CCNA1: variants seen among roughly 807,000 people sequenced by gnomAD.
CCNA1 encodes the protein cyclin A1.
CCNA1 carries 23 observed loss-of-function variants against 54.1 expected under a neutral mutation model. That is an observed-to-expected ratio of 0.42 (90% CI 0.31 to 0.60). The LOEUF is 0.60. Among genes scored for constraint, CCNA1 ranks in the 20% least tolerant of loss-of-function variants. The pLI is 0.14. For synonymous variants in CCNA1, 208 were observed against 213.9 expected (o/e 0.97, Z 0.24); for missense variants, 450 against 556.7 (o/e 0.81, Z 1.93).
At chr13:36,437,602 C>T (rs2055820977) in intron 2 of CCNA1, 27 bp from the exon 3 acceptor site, 1 of 1,610,080 alleles carries the variant, frequency 6.2e-7, no homozygotes, top group Non-Finnish European at 8.5e-7. Context: ...GACGTGGCCT[C>T]TAACAAAAGA....
intron 2 of CCNA1, among the ~76,000 whole-genome samples, chr13:36,436,608 G>A (rs930828287): frequency 4.6e-5 from 7 of 152,186 alleles, no homozygotes; most frequent in Non-Finnish European, 1.0e-4. Flanking sequence ...TGTGGTTGTA[G>A]CAAGAGTCAA....
At chr13:36,433,390 C>CT (rs1555269887) in intron 2 of CCNA1, among the ~76,000 whole-genome samples, 169 bp downstream of exon 2, 1 of 83,794 alleles carries the variant, frequency 1.2e-5, no homozygotes, top group African/African-American at 5.5e-5. Context: ...TTCTTTCTTT[C>CT]TTTCTTTCTT....
At chr13:36,434,828 C>T (rs1029039208) in intron 2 of CCNA1, among the ~76,000 whole-genome samples, 6 of 108,536 alleles carry the variant, frequency 5.5e-5, no homozygotes, top group Admixed American at 3.5e-4. Flanking sequence ...TGAGAGGTGC[C>T]CCCCCCCCCG....
In CCNA1 at chr13:36,442,252, G is replaced by C. The variant is rs1566174460; in HGVS notation, c.1294G>C (p.Asp432His). 3 of 1,613,998 alleles carry C rather than the reference G, an allele frequency of 1.9e-6. No homozygotes were observed. Among genetic ancestry groups the C allele is most frequent in the South Asian group, 2.2e-5 (2 of 91,076 alleles). ...GAGTGAGCTTCATAAAGCGTACCTTGATATACCCCATCGACCTCAGCAAGC... is the reference window on the plus strand; with the variant it reads ...GAGTGAGCTTCATAAAGCGTACCTTCATATACCCCATCGACCTCAGCAAGC... The change falls in exon 8 of 9, where the codon GAT (aspartate) becomes CAT (histidine). Residue 432 changes from aspartate (D) to histidine (H), a missense_variant. This residue lies in a region of CCNA1 where 53 missense variants were observed against 50.1 expected (regional missense o/e 1.06). Coordinates refer to ENST00000255465, the MANE Select transcript of CCNA1 (RefSeq NM_003914.4).
chr13:36,437,479 C>CGT, intron 2 of CCNA1, 150 bp from the exon 3 acceptor site: 2 of 764,730 alleles, frequency 2.6e-6, no homozygotes, highest in Non-Finnish European at 4.3e-6. Context: ...CTTTTGAAGA[C>CGT]CTTTTTTTTT....
In CCNA1 at chr13:36,437,634, C is replaced by T; in HGVS notation, c.303C>T (p.Ile101=). 6.2e-7 allele frequency: 1 copy of T among 1,613,430 alleles called. No homozygotes were observed. The highest frequency in any genetic ancestry group is 8.5e-7 in the Non-Finnish European group (1 of 1,179,782). Reference sequence around the variant, plus strand: ...AAGATTTAAACGTTTTTTAGGGGATCACAAGAATCAGGTGTTATTCTGGAT... The same window carrying T: ...AAGATTTAAACGTTTTTTAGGGGATTACAAGAATCAGGTGTTATTCTGGAT... Residue 101 remains isoleucine, a synonymous_variant, in exon 3 of 9, where the codon ATC becomes ATT. Coordinates refer to ENST00000255465, the MANE Select transcript of CCNA1 (RefSeq NM_003914.4).
intron 5 of CCNA1, 72 bp from the exon 6 acceptor site, chr13:36,439,907 C>CGTGGCTTATGGTAGCACAGGAGTA: frequency 1.0e-6 from 1 of 958,124 alleles, no homozygotes. Flanking sequence ...TGCGGAGAGG[C>CGTGGCTTATGGTAGCACAGGAGTA]GTGGCTTATG....
intron 8 of CCNA1, 109 bp from the exon 9 acceptor site, chr13:36,442,505 C>G: frequency 1.7e-6 from 2 of 1,177,288 alleles, no homozygotes. Flanking sequence ...AGTCAGCCAG[C>G]TTCCTTCCTT....
Position 36,437,620 on chromosome 13 carries a change from GT to G in CCNA1, c.298-3del. ...GTGGCCTCTAACAAAAGATTTAAAC[GT>G]TTTTTAGGGGATCACAAGAATCAGG... On this transcript the variant is annotated splice_region_variant and splice_polypyrimidine_tract_variant and intron_variant, in intron 2 of 8. Transcript: ENST00000255465. The G allele has an allele frequency of 1.2e-6, 2 of 1,613,192 alleles. No individual in the cohort carries two copies. The highest frequency in any genetic ancestry group is 8.5e-7 in the Non-Finnish European group (1 of 1,179,688).
Position 36,433,137 on chromosome 13 carries a change from A to G in CCNA1, c.213A>G (p.Arg71=). The stretch of plus-strand genomic sequence containing the variant: ...CCGATGCTTGTCAGATACTCACCAG[A>G]GCCCCGCTGGGCCAGGATCCCCCGC... The change falls in exon 2 of 9, where the codon AGA becomes AGG. Residue 71 remains arginine, a synonymous_variant. Coordinates refer to ENST00000255465, the MANE Select transcript of CCNA1 (RefSeq NM_003914.4). 1 of 1,614,168 alleles carries G rather than the reference A, an allele frequency of 6.2e-7. No individual in the cohort carries two copies. The highest frequency in any genetic ancestry group is 8.5e-7 in the Non-Finnish European group (1 of 1,180,020).
At chr13:36,433,645 A>C (rs1168596893) in intron 2 of CCNA1, among the ~76,000 whole-genome samples, 2 of 148,054 alleles carry the variant, frequency 1.4e-5, no homozygotes, top group South Asian at 4.3e-4. Context: ...GGTTCAAGCG[A>C]TTCTCCTGCC....
upstream of CCNA1, chr13:36,431,921 G>A (rs1006757971): frequency 5.2e-5 from 8 of 152,718 alleles, no homozygotes; most frequent in African/African-American, 1.7e-4. Context: ...AGAGGGGGTT[G>A]TTAGCGGCTG....
rs915680928 is a variant in CCNA1 at position 36,439,635 on chromosome 13, A to G, written c.894-344A>G. ...TGTGTTGATCTTAACACTTTTTTCT[A>G]TGAAGTGATTTGAGGTCTGTAGAAT... On this transcript the variant is annotated intron_variant, in intron 5 of 8. Transcript: ENST00000255465. 6.6e-5 allele frequency among the ~76,000 whole-genome samples: 10 copies of G among 152,016 alleles called. No individual in the cohort carries two copies. The East Asian group carries it at 9.6e-4, about 15-fold the overall frequency.
chr13:36,436,789 G>A (rs953382264), intron 2 of CCNA1, among the ~76,000 whole-genome samples: 1 of 152,156 alleles, frequency 6.6e-6, no homozygotes, highest in Non-Finnish European at 1.5e-5. Flanking sequence ...TACTAACTTA[G>A]AAGTAGCCTT....
intron 7 of CCNA1, 130 bp from the exon 8 acceptor site, chr13:36,442,041 G>A (rs2055881442): frequency 1.7e-6 from 1 of 587,012 alleles, no homozygotes; most frequent in Admixed American, 2.8e-5. Context: ...TCTCTGAAGG[G>A]GGTTCTGGTC....
At chr13:36,441,294 T>G (rs184896477) in intron 7 of CCNA1, 63 bp downstream of exon 7, 2 of 935,188 alleles carry the variant, frequency 2.1e-6, no homozygotes, top group Admixed American at 3.7e-5. Context: ...TTGCCTCTTA[T>G]GAGGGCAAGT....
At chr13:36,433,010 G>A in intron 1 of CCNA1, 23 bp from the exon 2 acceptor site, 1 of 1,601,914 alleles carries the variant, frequency 6.2e-7, no homozygotes, top group Middle Eastern at 1.8e-4. Context: ...TAAACAGCTT[G>A]TCTGTTTCTC....
chr13:36,437,558 A>C, intron 2 of CCNA1, 71 bp from the exon 3 acceptor site: 1 of 1,461,080 alleles, frequency 6.8e-7, no homozygotes, highest in Non-Finnish European at 9.4e-7. Flanking sequence ...TGTTGGTTTG[A>C]GTCATGCAGG....
intron 2 of CCNA1, among the ~76,000 whole-genome samples, chr13:36,433,927 G>C (rs2055768907): frequency 6.6e-6 from 1 of 152,140 alleles, no homozygotes; most frequent in Non-Finnish European, 1.5e-5. Flanking sequence ...CCACTATCAA[G>C]GAAATAGGTC....
Sources: gnomAD v4.1 joint callset for allele counts (sites outside exome capture counted in the v4.1 genomes callset) on GRCh38, gnomAD v4.1.1 for gene constraint, gnomAD v4.1.1 regional missense constraint, MANE v1.5 for transcripts, NCBI Gene and HGNC (gene_info 2026-07-23, HGNC 2026-07-21) for gene names.